Variants in C1QTNF3 observed in about 807,000 individuals in gnomAD.
C1QTNF3 encodes the protein complement C1q tumor necrosis factor-related protein 3.
C1QTNF3 carries 26 observed loss-of-function variants against 32.6 expected under a neutral mutation model. That is an observed-to-expected ratio of 0.80 (90% CI 0.58 to 1.11). The LOEUF is 1.11. Among genes scored for constraint, C1QTNF3 ranks in the 50% least tolerant of loss-of-function variants. The pLI is 0.00. For missense variants in C1QTNF3, 362 were observed against 398.2 expected (o/e 0.91, Z 0.77); for synonymous variants, 155 against 146.0 (o/e 1.06, Z -0.44).
the C1QTNF3 span, among the ~76,000 whole-genome samples, chr5:34,125,571 T>C: frequency 1.3e-4 from 19 of 151,986 alleles, no homozygotes; most frequent in African/African-American, 4.1e-4. Context: ...AAGTGACCAC[T>C]GGTTTTGCAT....
the C1QTNF3 span, among the ~76,000 whole-genome samples, chr5:34,115,948 CTT>C: frequency 2.5e-4 from 38 of 152,222 alleles, no homozygotes; most frequent in African/African-American, 7.0e-4. Context: ...TTGGAACAAA[CTT>C]AAAGTAATTT....
the C1QTNF3 span, among the ~76,000 whole-genome samples, chr5:34,135,695 A>AT: frequency 5.4e-5 from 8 of 148,700 alleles, no homozygotes; most frequent in Non-Finnish European, 8.9e-5. Context: ...CAAACAAACA[A>AT]AAAACAAAGC....
intron 4 of C1QTNF3, among the ~76,000 whole-genome samples, chr5:34,025,184 A>G (rs1754430081): frequency 6.6e-6 from 1 of 152,252 alleles, no homozygotes; most frequent in Non-Finnish European, 1.5e-5. Context: ...GAGGAAAAGT[A>G]AAGGCAGATA....
chr5:34,121,017 A>G, the C1QTNF3 span, among the ~76,000 whole-genome samples: 1 of 152,234 alleles, frequency 6.6e-6, no homozygotes, highest in African/African-American at 2.4e-5. Flanking sequence ...TAAATGTTTA[A>G]AAATATCTCA....
At chr5:34,049,953 C>G in the C1QTNF3 span, among the ~76,000 whole-genome samples, 1 of 152,180 alleles carries the variant, frequency 6.6e-6, no homozygotes, top group East Asian at 1.9e-4. Flanking sequence ...AACATCTAGA[C>G]TGGTGTTAGA....
the C1QTNF3 span, among the ~76,000 whole-genome samples, chr5:34,208,400 T>G: frequency 6.6e-6 from 1 of 152,164 alleles, no homozygotes; most frequent in Non-Finnish European, 1.5e-5. Flanking sequence ...TTTCTCAAAG[T>G]CATTGTGGGG....
At chr5:34,187,998 C>G in the C1QTNF3 span, among the ~76,000 whole-genome samples, 4 of 152,406 alleles carry the variant, frequency 2.6e-5, no homozygotes, top group Admixed American at 2.6e-4. Context: ...CCAGAACCCC[C>G]TGCTGTGTGC....
chr5:34,091,499 C>G, the C1QTNF3 span, among the ~76,000 whole-genome samples: 1 of 152,168 alleles, frequency 6.6e-6, no homozygotes, highest in African/African-American at 2.4e-5. Context: ...TTCAAACTCT[C>G]AAAAAAACTA....
chr5:34,048,893 G>A, the C1QTNF3 span, among the ~76,000 whole-genome samples: 5 of 152,186 alleles, frequency 3.3e-5, no homozygotes, highest in African/African-American at 9.7e-5. Context: ...CTGCCACAAG[G>A]AACAGACATT....
At chr5:34,240,160 C>T in the C1QTNF3 span, among the ~76,000 whole-genome samples, 37 of 150,692 alleles carry the variant, frequency 2.5e-4, no homozygotes, top group East Asian at 5.3e-3. Context: ...CGTTTAAATG[C>T]CTTTATCATA....
At chr5:34,101,396 A>G in the C1QTNF3 span, among the ~76,000 whole-genome samples, 1 of 152,158 alleles carries the variant, frequency 6.6e-6, no homozygotes, top group East Asian at 1.9e-4. Context: ...CAGAAGCCTC[A>G]TAAGGTTGAT....
At chr5:34,092,445 C>A in the C1QTNF3 span, among the ~76,000 whole-genome samples, 1 of 151,108 alleles carries the variant, frequency 6.6e-6, no homozygotes, top group Non-Finnish European at 1.5e-5. Flanking sequence ...ATATATTTAA[C>A]CTCTCTTTAG....
At chr5:34,240,592 A>T in the C1QTNF3 span, among the ~76,000 whole-genome samples, 2 of 151,790 alleles carry the variant, frequency 1.3e-5, no homozygotes, top group African/African-American at 4.8e-5. Context: ...AATACTGAAG[A>T]GACCAATATG....
the C1QTNF3 span, among the ~76,000 whole-genome samples, chr5:34,072,468 A>T: frequency 6.8e-4 from 103 of 152,360 alleles, no homozygotes; most frequent in South Asian, 1.7e-3. Flanking sequence ...TCAGCAAATG[A>T]TGGATCATTT....
chr5:34,103,340 AG>A, the C1QTNF3 span, among the ~76,000 whole-genome samples: 6 of 151,718 alleles, frequency 4.0e-5, no homozygotes, highest in Non-Finnish European at 7.4e-5. Flanking sequence ...TCTGTCTCCC[AG>A]GCTGGAGCGG....
chr5:34,061,260 T>C, the C1QTNF3 span, among the ~76,000 whole-genome samples: 1 of 152,198 alleles, frequency 6.6e-6, no homozygotes. Context: ...CCCCTGTGGC[T>C]TTGCAGGGTA....
intron 4 of C1QTNF3, 167 bp from the exon 5 acceptor site, chr5:34,024,175 C>G: frequency 1.7e-6 from 1 of 594,446 alleles, no homozygotes; most frequent in South Asian, 1.9e-5. Context: ...TATATCTACT[C>G]CCCTTCCAAG....
chr5:34,221,928 C>A, the C1QTNF3 span, among the ~76,000 whole-genome samples: 4 of 151,968 alleles, frequency 2.6e-5, no homozygotes, highest in Non-Finnish European at 5.9e-5. Flanking sequence ...AGCAATAGAG[C>A]ATTTCTTAGG....
At chr5:34,123,454 C>T in the C1QTNF3 span, among the ~76,000 whole-genome samples, 1 of 151,984 alleles carries the variant, frequency 6.6e-6, no homozygotes, top group African/African-American at 2.4e-5. Flanking sequence ...TGCATGTCAT[C>T]TCAGAAATTG....
Sources: allele counts gnomAD v4.1 joint callset (sites outside exome capture counted in the v4.1 genomes callset), GRCh38; gene constraint gnomAD v4.1.1; transcripts MANE v1.5; gene names NCBI Gene and HGNC (gene_info 2026-07-23, HGNC 2026-07-21).